MRPS27: variants seen among roughly 807,000 people sequenced by gnomAD.
MRPS27 encodes the protein small ribosomal subunit protein mS27.
MRPS27 carries 43 observed loss-of-function variants against 48.9 expected under a neutral mutation model. The observed-to-expected ratio is 0.88, with a 90% CI of 0.69 to 1.13. The LOEUF is 1.13. Among genes scored for constraint, MRPS27 ranks in the 50% most tolerant of loss-of-function variants. MRPS27 has a pLI of 0.00. For missense variants in MRPS27, 467 were observed against 476.3 expected (o/e 0.98, Z 0.18); for synonymous variants, 188 against 171.9 (o/e 1.09, Z -0.73).
intron 4 of MRPS27, among the ~76,000 whole-genome samples, chr5:72,295,054 T>C (rs1749940222): frequency 6.6e-6 from 1 of 151,942 alleles, no homozygotes; most frequent in South Asian, 2.1e-4. Context: ...TGTGTGTTTG[T>C]GTGTGTGTGT....
intron 7 of MRPS27, among the ~76,000 whole-genome samples, chr5:72,231,632 A>G (rs1022194807): frequency 6.6e-6 from 1 of 152,152 alleles, no homozygotes; most frequent in Non-Finnish European, 1.5e-5. Context: ...ATATCATAAG[A>G]CTATGACACT....
rs536259017 is a variant in MRPS27 at position 72,277,956 on chromosome 5, G to C, written c.281+17575C>G. Among the ~76,000 whole-genome samples the C allele has an allele frequency of 2.6e-5, 4 of 152,250 alleles. No individual in the cohort carries two copies. The East Asian group carries it at 7.7e-4, about 29-fold the overall frequency. On this transcript the variant is annotated intron_variant, in intron 4 of 10. Transcript: ENST00000261413. ...GTGAGATGAGGGGGTGGAGGAGGGAGAGTATCAGAAAAAATAGCTAATGCG... is the reference window on the plus strand; with the variant it reads ...GTGAGATGAGGGGGTGGAGGAGGGACAGTATCAGAAAAAATAGCTAATGCG...
chr5:72,250,005 A>T (rs1748617174), intron 4 of MRPS27, among the ~76,000 whole-genome samples: 1 of 151,010 alleles, frequency 6.6e-6, no homozygotes, highest in East Asian at 2.0e-4. Context: ...ACAAAAAAAC[A>T]AAAATAACAA....
At position 72,221,087 on chromosome 5, in the gene MRPS27, G is replaced by A. The variant is rs764216054; in HGVS notation, c.1067C>T (p.Thr356Ile). 1 of 1,614,034 alleles carries A rather than the reference G, an allele frequency of 6.2e-7. No individual in the cohort carries two copies. Residue 356 changes from threonine (T) to isoleucine (I), a missense_variant, in exon 11 of 11, where the codon ACC becomes ATC. Thr to Ile is a moderately conservative substitution (Grantham distance 89). Coordinates refer to ENST00000261413, the MANE Select transcript of MRPS27 (RefSeq NM_015084.3). ...KIESEGLLSL[T>I]TQLVKEKLST... ...GAGTTTTTCCTTGACAAGCTGGGTG[G>A]TCAGACTTAAAAGACCTTCTGACTC...
At chr5:72,272,740 C>T (rs907026435) in intron 4 of MRPS27, among the ~76,000 whole-genome samples, 1 of 152,108 alleles carries the variant, frequency 6.6e-6, no homozygotes, top group Non-Finnish European at 1.5e-5. Context: ...GTACTGGAGA[C>T]TCCTGACACA....
Position 72,297,055 on chromosome 5 carries a change from G to A in MRPS27, c.222+577C>T, listed in dbSNP as rs572095688. Reference sequence around the variant, plus strand: ...ACGCTTACAAGCTGTGTGAACTTGGGAAAGTTATTAAACCATGTCTTACAT... The same window carrying A: ...ACGCTTACAAGCTGTGTGAACTTGGAAAAGTTATTAAACCATGTCTTACAT... On this transcript the variant is annotated intron_variant, in intron 3 of 10. Coordinates refer to ENST00000261413, the MANE Select transcript of MRPS27 (RefSeq NM_015084.3). 7.9e-5 allele frequency among the ~76,000 whole-genome samples: 12 copies of A among 152,294 alleles called. No individual in the cohort carries two copies. In the South Asian group the frequency reaches 2.5e-3, roughly 32 times the overall value.
chr5:72,225,377 A>C (rs1313313096), intron 9 of MRPS27, among the ~76,000 whole-genome samples: 1 of 152,188 alleles, frequency 6.6e-6, no homozygotes, highest in Non-Finnish European at 1.5e-5. Flanking sequence ...TGTCCTTCTC[A>C]GGACTCACAC....
intron 2 of MRPS27, among the ~76,000 whole-genome samples, chr5:72,312,351 A>T (rs1028013114): frequency 2.6e-5 from 4 of 152,282 alleles, no homozygotes; most frequent in African/African-American, 7.2e-5. Context: ...AATCAATCAG[A>T]ACTTTACCAA....
chr5:72,223,850 G>C lies in MRPS27; in HGVS notation c.838C>G (p.Leu280Val). 1 of 1,613,076 alleles carries C rather than the reference G, an allele frequency of 6.2e-7. No individual in the cohort carries two copies. Among genetic ancestry groups the C allele is most frequent in the Non-Finnish European group, 8.5e-7 (1 of 1,179,356 alleles). ...TTCAGCACTGCACCCAGCACATCGA[G>C]CTGTGGAGCAGAAAGAGGGTCAGCA... ...PEDIKLCREALDVLGAVLKAL... is the reference protein window; with the variant it reads ...PEDIKLCREAVDVLGAVLKAL... The change falls in exon 10 of 11, where the codon CTC (leucine) becomes GTC (valine). Residue 280 changes from leucine to valine, a missense_variant and splice_region_variant. Transcript: ENST00000261413.
chr5:72,319,728 G>A (rs1750694477), intron 1 of MRPS27, among the ~76,000 whole-genome samples: 1 of 151,990 alleles, frequency 6.6e-6, no homozygotes, highest in Admixed American at 6.6e-5. Context: ...GTATTTTTTA[G>A]TAGAGATGGG....
intron 4 of MRPS27, among the ~76,000 whole-genome samples, chr5:72,282,874 C>T (rs540395876): frequency 1.3e-5 from 2 of 152,218 alleles, no homozygotes; most frequent in African/African-American, 4.8e-5. Flanking sequence ...GATCTTCTAC[C>T]CTTTCTGTTG....
chr5:72,271,189 A>C (rs1749231626), intron 4 of MRPS27, among the ~76,000 whole-genome samples: 1 of 152,196 alleles, frequency 6.6e-6, no homozygotes, highest in Non-Finnish European at 1.5e-5. Context: ...AGGAAGAGTA[A>C]ATGTATTTCT....
intron 4 of MRPS27, among the ~76,000 whole-genome samples, chr5:72,289,702 C>T (rs557849809): frequency 6.6e-6 from 1 of 152,264 alleles, no homozygotes; most frequent in East Asian, 1.9e-4. Context: ...GCATGAGCCG[C>T]TGTGCCTGGC....
At chr5:72,294,291 A>C (rs1481985501) in intron 4 of MRPS27, among the ~76,000 whole-genome samples, 1 of 152,096 alleles carries the variant, frequency 6.6e-6, no homozygotes, top group Non-Finnish European at 1.5e-5. Flanking sequence ...CTAGAAAAAA[A>C]CTACTCCCCA....
intron 2 of MRPS27, among the ~76,000 whole-genome samples, chr5:72,301,169 T>A (rs550845648): frequency 6.6e-6 from 1 of 152,350 alleles, no homozygotes; most frequent in African/African-American, 2.4e-5. Flanking sequence ...GAGGGATTGA[T>A]CTCAATGACT....
At chr5:72,241,432 C>T (rs1447668260) in intron 4 of MRPS27, 2 of 536,010 alleles carry the variant, frequency 3.7e-6, no homozygotes, top group Non-Finnish European at 6.6e-6. Context: ...CCTTTCTTGG[C>T]CCCCATCAGC....
chr5:72,259,881 C>A (rs189176053), intron 4 of MRPS27, among the ~76,000 whole-genome samples: 1 of 152,076 alleles, frequency 6.6e-6, no homozygotes, highest in Non-Finnish European at 1.5e-5. Flanking sequence ...TAAATTTTTA[C>A]GAATATGACA....
At chr5:72,313,515 G>T (rs1411011430) in intron 2 of MRPS27, among the ~76,000 whole-genome samples, 2 of 152,126 alleles carry the variant, frequency 1.3e-5, no homozygotes, top group Admixed American at 1.3e-4. Context: ...TTTCTTTTGG[G>T]GCTTGGTATT....
chr5:72,275,104 C>T (rs771522399), intron 4 of MRPS27, among the ~76,000 whole-genome samples: 28 of 152,202 alleles, frequency 1.8e-4, no homozygotes, highest in Admixed American at 3.9e-4. Context: ...TGTTTGCAGA[C>T]GACACGATCC....
Sources: allele counts gnomAD v4.1 joint callset (sites outside exome capture counted in the v4.1 genomes callset), GRCh38; gene constraint gnomAD v4.1.1; transcripts MANE v1.5; gene names NCBI Gene and HGNC (gene_info 2026-07-23, HGNC 2026-07-21).